Variants in TMEM94 observed in about 807,000 individuals in gnomAD.
TMEM94 encodes the protein ER Mg2+ ATPase.
Under a neutral mutation model 158.6 loss-of-function variants are expected in TMEM94, and 81 were observed. The observed-to-expected ratio is 0.51, with a 90% confidence interval of 0.43 to 0.61. The LOEUF is 0.61. Ranked by LOEUF, TMEM94 falls within the 20% of genes least tolerant of loss-of-function variation. The pLI is 0.00. For missense variants in TMEM94, 1,435 were observed against 1,762.0 expected, an observed-to-expected ratio of 0.81 and a Z score of 3.32; for synonymous variants, 751 against 730.7, an observed-to-expected ratio of 1.03 and a Z score of -0.45.
In TMEM94 at chr17:75,495,254, A is replaced by C; in HGVS notation, c.2729-30A>C. 1 of 1,548,148 alleles carries C rather than the reference A, an allele frequency of 6.5e-7. No individual in the cohort carries two copies. Among genetic ancestry groups the C allele is most frequent in the Non-Finnish European group, 8.8e-7 (1 of 1,132,704 alleles). ...GACAGGTTCCCAGAAGGCTGGTCCC[A>C]AGGTGAGGGAGAGGCTTTTGTCCCC... is the stretch of plus-strand genomic sequence containing the variant. On this transcript the variant is annotated intron_variant, in intron 20 of 31. Coordinates refer to ENST00000314256, the MANE Select transcript of TMEM94 (RefSeq NM_014738.6). This position sits in a 1 kb window ranked among gnomAD's most constrained non-coding sequence, Gnocchi z 5.6.
In TMEM94 at chr17:75,489,161, C is replaced by T. The variant is rs532055816; in HGVS notation, c.765-105C>T. The stretch of plus-strand genomic sequence containing the variant: ...GCAGAGCGTGGAACTGCAGGACTCA[C>T]GGTGCTTGAAGAAGCGGTATCTGGC... On this transcript the variant is annotated intron_variant, in intron 7 of 31. Coordinates refer to ENST00000314256, the MANE Select transcript of TMEM94 (RefSeq NM_014738.6). The surrounding 1 kb of genome is among the most constrained non-coding windows in gnomAD (Gnocchi z 5.0). The T allele has an allele frequency of 4.6e-5, 52 of 1,125,972 alleles. No homozygotes were observed. Among genetic ancestry groups the T allele is most frequent in the Admixed American group, 1.2e-4 (6 of 51,084 alleles). The allele number at this position is 1,125,972 out of a possible 1,614,324, so 69.7% of individuals were successfully genotyped here. A position where few individuals can be genotyped will look rare whatever the true frequency, so the allele number is the denominator to read the frequency against.
Position 75,493,907 on chromosome 17 carries a change from A to G in TMEM94, c.2398A>G (p.Ser800Gly). ...IKQNARRSSW[S>G]SDEGIGEVLE... ...GCAGAACGCCCGCCGCAGCAGCTGG[A>G]GCTCTGACGGTACCTCATGGGTCTG... Residue 800 changes from serine to glycine, a missense_variant, in exon 18 of 32, where the codon AGC (serine) becomes GGC (glycine). Transcript: ENST00000314256. The G allele has an allele frequency of 6.2e-7, 1 of 1,611,464 alleles. No individual in the cohort carries two copies. The highest frequency in any genetic ancestry group is 1.1e-5 in the South Asian group (1 of 91,070).
Position 75,487,979 on chromosome 17 carries a change from C to T in TMEM94, c.457C>T (p.Pro153Ser), listed in dbSNP as rs940517777. 1 of 1,614,058 alleles carries T rather than the reference C, an allele frequency of 6.2e-7. No homozygotes were observed. The highest frequency in any genetic ancestry group is 8.5e-7 in the Non-Finnish European group (1 of 1,180,024). ...REIQWPSAMY[P>S]DLHMPFAPSW... is the part of the protein sequence containing the mutation. ...GATCCAGTGGCCCAGTGCCATGTAT[C>T]CAGACCTCCACATGCCTTTTGCGCC... Residue 153 changes from proline (P) to serine (S), a missense_variant, in exon 6 of 32, where the codon CCA (proline) becomes TCA (serine). Transcript: ENST00000314256. This position sits in a 1 kb window ranked among gnomAD's most constrained non-coding sequence, Gnocchi z 4.6.
At chr17:75,484,594 TC>T (rs2146529254) in intron 2 of TMEM94, among the ~76,000 whole-genome samples, 1 of 151,950 alleles carries the variant, frequency 6.6e-6, no homozygotes, top group East Asian at 2.0e-4. Flanking sequence ...ATGGGGTTCC[TC>T]TATGTTGCCC....
Position 75,497,221 on chromosome 17 carries a change from C to T in TMEM94, c.3407+23C>T, listed in dbSNP as rs776192899. 3 of 1,592,236 alleles carry T rather than the reference C, an allele frequency of 1.9e-6. No homozygotes were observed. The Admixed American group carries it at 5.0e-5, about 27-fold the overall frequency. On this transcript the variant is annotated intron_variant, in intron 26 of 31. Transcript: ENST00000314256. ...CAGGTGAGATGCCATGTATCTTCCCCACACCCCATGCCTAAGCAGGAGGTG... is the reference window on the plus strand; with the variant it reads ...CAGGTGAGATGCCATGTATCTTCCCTACACCCCATGCCTAAGCAGGAGGTG...
chr17:75,495,866 C>T lies in TMEM94; in HGVS notation c.2945-100C>T. The T allele has an allele frequency of 1.2e-5, 11 of 900,102 alleles. No individual in the cohort carries two copies. The South Asian group carries it at 1.7e-4, about 14-fold the overall frequency. The allele number at this position is 900,102 out of a possible 1,614,324, so 55.8% of individuals were successfully genotyped here. On this transcript the variant is annotated intron_variant, in intron 22 of 31. Transcript: ENST00000314256. This position sits in a 1 kb window ranked among gnomAD's most constrained non-coding sequence, Gnocchi z 5.6. Reference sequence around the variant, plus strand: ...TGGGATTGTTTCAAAGAGGGGCCCACCTCCCATCGCCTCCTGCTCTCCTGT... The same window carrying T: ...TGGGATTGTTTCAAAGAGGGGCCCATCTCCCATCGCCTCCTGCTCTCCTGT...
Position 75,471,859 on chromosome 17 carries a change from CA to C in TMEM94, c.-46del. ...ACATGCTGGGGAGGAGCCTTCCTTTCAGGGGTGACCACATTCATCTGGGCAT... is the reference window on the plus strand; with the variant it reads ...ACATGCTGGGGAGGAGCCTTCCTTTCGGGGTGACCACATTCATCTGGGCAT... On this transcript the variant is annotated 5_prime_UTR_variant, in exon 2 of 32. Transcript: ENST00000314256. 1 of 1,610,842 alleles carries C rather than the reference CA, an allele frequency of 6.2e-7. No homozygotes were observed. The highest frequency in any genetic ancestry group is 2.2e-5 in the East Asian group (1 of 44,870).
rs575158469 is a variant in TMEM94, at chr17:75,494,408, C to T, written c.2408-219C>T. 4.6e-5 allele frequency among the ~76,000 whole-genome samples: 7 copies of T among 152,342 alleles called. No homozygotes were observed. In the East Asian group the frequency reaches 1.3e-3, roughly 29 times the overall value. ...ACCCCCTGGGCAGGAGCTGAAGCCACGCCTTGTTGTAGCTTCCAGCTCAGA... is the reference window on the plus strand; with the variant it reads ...ACCCCCTGGGCAGGAGCTGAAGCCATGCCTTGTTGTAGCTTCCAGCTCAGA... On this transcript the variant is annotated intron_variant, in intron 18 of 31. Transcript: ENST00000314256.
At chr17:75,471,699 G>GT in intron 1 of TMEM94, 101 bp from the exon 2 acceptor site, 1 of 514,228 alleles carries the variant, frequency 1.9e-6, no homozygotes, top group East Asian at 3.4e-5. Flanking sequence ...GGGCGACAGA[G>GT]TGAGACTCCG....
chr17:75,489,349 A>G lies in TMEM94; in HGVS notation c.848A>G (p.Tyr283Cys), dbSNP rs1326869776. 2.5e-6 allele frequency: 4 copies of G among 1,614,090 alleles called. No homozygotes were observed. The highest frequency in any genetic ancestry group is 1.7e-5 in the Admixed American group (1 of 60,024). ...RFTVQSVMLH[Y>C]AVPVVLAGFL... is the part of the protein sequence containing the mutation. ...ACAGTGCAGTCGGTGATGCTACACT[A>G]TGCTGTGCCCGTGGTCCTGGTGCGT... Residue 283 changes from tyrosine to cysteine, a missense_variant, in exon 8 of 32, where the codon TAT becomes TGT. Physicochemically the swap from Tyr to Cys is radical, Grantham distance 194 (BLOSUM62 -2). Transcript: ENST00000314256. The surrounding 1 kb of genome is among the most constrained non-coding windows in gnomAD (Gnocchi z 5.0).
At position 75,496,763 on chromosome 17, in the gene TMEM94, T is replaced by C; in HGVS notation, c.3277T>C (p.Phe1093Leu). The C allele has an allele frequency of 6.2e-7, 1 of 1,613,988 alleles. No homozygotes were observed. The highest frequency in any genetic ancestry group is 2.2e-5 in the East Asian group (1 of 44,876). The change falls in exon 25 of 32, where the codon TTC (phenylalanine) becomes CTC (leucine). Residue 1093 changes from phenylalanine to leucine, a missense_variant. Physicochemically the swap from Phe to Leu is conservative, Grantham distance 22. This residue lies in a region of TMEM94 where 335 missense variants were observed against 409.1 expected (regional missense o/e 0.82). Coordinates refer to ENST00000314256, the MANE Select transcript of TMEM94 (RefSeq NM_014738.6). ...RHATYGIRKC[F>L]LFLLQCQLTL... ...TGCCACCTATGGCATCCGTAAGTGC[T>C]TCCTCTTCCTGCTGCAGTGCCAGCT... is the stretch of plus-strand genomic sequence containing the variant.
chr17:75,489,814 C>T lies in TMEM94; in HGVS notation c.954+152C>T. The T allele has an allele frequency of 1.4e-6, 1 of 696,928 alleles. No individual in the cohort carries two copies. Among genetic ancestry groups the T allele is most frequent in the Non-Finnish European group, 2.5e-6 (1 of 404,714 alleles). The allele number at this position is 696,928 out of a possible 1,614,324, so 43.2% of individuals were successfully genotyped here. On this transcript the variant is annotated intron_variant, in intron 9 of 31. Transcript: ENST00000314256. This position sits in a 1 kb window ranked among gnomAD's most constrained non-coding sequence, Gnocchi z 5.0. Reference sequence around the variant, plus strand: ...ACCTCTTTCCAGCTGGGCGTGGGGACTCAGGCCTGTAATCCAAGCACTTTG... The same window carrying T: ...ACCTCTTTCCAGCTGGGCGTGGGGATTCAGGCCTGTAATCCAAGCACTTTG...
intron 1 of TMEM94, chr17:75,459,799 T>C (rs1307168085): frequency 6.6e-6 from 1 of 152,178 alleles, no homozygotes; most frequent in African/African-American, 2.4e-5. Flanking sequence ...ATATTTCTTA[T>C]CTTACTATTG....
rs2146668030 is a variant in TMEM94 at position 75,489,694 on chromosome 17, T to A, written c.954+32T>A. The A allele has an allele frequency of 1.3e-6, 2 of 1,576,634 alleles. No individual in the cohort carries two copies. The highest frequency in any genetic ancestry group is 1.7e-6 in the Non-Finnish European group (2 of 1,146,606). ...ACCACCCTGTCCTCTCTGTCATGCTTCCCTCCGACCCGCAGGGCTGGCTCT... is the reference window on the plus strand; with the variant it reads ...ACCACCCTGTCCTCTCTGTCATGCTACCCTCCGACCCGCAGGGCTGGCTCT... On this transcript the variant is annotated intron_variant, in intron 9 of 31. Transcript: ENST00000314256. The surrounding 1 kb of genome is among the most constrained non-coding windows in gnomAD (Gnocchi z 5.0).
Position 75,489,987 on chromosome 17 carries a change from G to A in TMEM94, c.955-247G>A. 3.5e-6 allele frequency: 2 copies of A among 579,264 alleles called. No homozygotes were observed. The highest frequency in any genetic ancestry group is 4.1e-5 in the South Asian group (2 of 48,236). 35.9% of individuals were successfully genotyped at this position (579,264 alleles called of 1,614,324 possible). A position where few individuals can be genotyped will look rare whatever the true frequency, so the allele number is the denominator to read the frequency against. ...CCAGCCATTCAGGTGGCTGAGGTGG[G>A]AGAATCCCTTGAACCTGGGAGGTGG... On this transcript the variant is annotated intron_variant, in intron 9 of 31. Coordinates refer to ENST00000314256, the MANE Select transcript of TMEM94 (RefSeq NM_014738.6). The surrounding 1 kb of genome is among the most constrained non-coding windows in gnomAD (Gnocchi z 5.0).
chr17:75,478,164 C>A (rs1234600674), intron 2 of TMEM94, among the ~76,000 whole-genome samples: 1 of 89,494 alleles, frequency 1.1e-5, no homozygotes, highest in Non-Finnish European at 2.3e-5. Flanking sequence ...GACAGGCGCC[C>A]GCCACTACGC....
Position 75,495,653 on chromosome 17 carries a change from G to A in TMEM94, c.2944+10G>A, listed in dbSNP as rs1187156353. 4.3e-6 allele frequency: 7 copies of A among 1,612,486 alleles called. No individual in the cohort carries two copies. Among genetic ancestry groups the A allele is most frequent in the Non-Finnish European group, 5.9e-6 (7 of 1,179,248 alleles). On this transcript the variant is annotated intron_variant, in intron 22 of 31. Coordinates refer to ENST00000314256, the MANE Select transcript of TMEM94 (RefSeq NM_014738.6). This position sits in a 1 kb window ranked among gnomAD's most constrained non-coding sequence, Gnocchi z 5.6. Reference sequence around the variant, plus strand: ...GACTGCACCCCAGAGAGTGAGTGCTGTGGCCATGGGTACTTGGGCAACCTG... The same window carrying A: ...GACTGCACCCCAGAGAGTGAGTGCTATGGCCATGGGTACTTGGGCAACCTG...
chr17:75,491,742 C>T lies in TMEM94; in HGVS notation c.1438C>T (p.Leu480Phe). ...TGGCTCCCTGAACAACACCCTGCAC[C>T]TTTCCAATGAGCAGGAGCGTGGCGA... Reference protein sequence around the residue: ...LAGSLNNTLHLSNEQERGDWP... With the variant: ...LAGSLNNTLHFSNEQERGDWP... Residue 480 changes from leucine (L) to phenylalanine (F), a missense_variant, in exon 14 of 32, where the codon CTT (leucine) becomes TTT (phenylalanine). This residue lies in a region of TMEM94 where 1,051 missense variants were observed against 1,254.4 expected (regional missense o/e 0.84). Coordinates refer to ENST00000314256, the MANE Select transcript of TMEM94 (RefSeq NM_014738.6). This position sits in a 1 kb window ranked among gnomAD's most constrained non-coding sequence, Gnocchi z 5.1. 1 of 1,614,098 alleles carries T rather than the reference C, an allele frequency of 6.2e-7. No homozygotes were observed. The highest frequency in any genetic ancestry group is 8.5e-7 in the Non-Finnish European group (1 of 1,180,042).
In TMEM94 at chr17:75,485,872, A is replaced by G; in HGVS notation, c.146A>G (p.Glu49Gly). The G allele has an allele frequency of 6.2e-7, 1 of 1,610,824 alleles. No individual in the cohort carries two copies. Among genetic ancestry groups the G allele is most frequent in the Non-Finnish European group, 8.5e-7 (1 of 1,178,292 alleles). ...CCCCTCCCTGTCCGAACTTCCCAGG[A>G]GGTGTGGAGAAGCAGCTTCCTCCAC... ...RERKKCLTWK[E>G]VWRSSFLHHS... Residue 49 changes from glutamate (E) to glycine (G), a missense_variant and splice_region_variant, in exon 4 of 32, where the codon GAG (glutamate) becomes GGG (glycine). Transcript: ENST00000314256. This position sits in a 1 kb window ranked among gnomAD's most constrained non-coding sequence, Gnocchi z 5.5.
Sources: allele counts gnomAD v4.1 joint callset (sites outside exome capture counted in the v4.1 genomes callset), GRCh38; gene constraint gnomAD v4.1.1; regional missense constraint gnomAD v4.1.1; non-coding constraint Gnocchi (gnomAD v3.1); transcripts MANE v1.5; gene names NCBI Gene and HGNC (gene_info 2026-07-23, HGNC 2026-07-21).